Variants in HPS3 observed in about 807,000 individuals in gnomAD.
HPS3 encodes the protein BLOC-2 complex member HPS3.
HPS3 carries 79 observed loss-of-function variants against 110.9 expected under a neutral mutation model. That is an observed-to-expected ratio of 0.71 (90% CI 0.59 to 0.86). HPS3 has a LOEUF of 0.86. Ranked by LOEUF, HPS3 falls within the 40% of genes least tolerant of loss-of-function variation. HPS3 has a pLI of 0.00. For synonymous variants in HPS3, 428 were observed against 451.0 expected (o/e 0.95, Z 0.65); for missense variants, 1,197 against 1,206.2 (o/e 0.99, Z 0.11).
Position 149,167,040 on chromosome 3 carries a change from A to G in HPS3, c.2596A>G (p.Ile866Val), listed in dbSNP as rs1724494490. Residue 866 changes from isoleucine (I) to valine (V), a missense_variant, in exon 15 of 17, where the codon ATA (isoleucine) becomes GTA (valine). Ile to Val is a conservative substitution (Grantham distance 29). Coordinates refer to ENST00000296051, the MANE Select transcript of HPS3 (RefSeq NM_032383.5). ...TEDLSKLQSL[I>V]CGPSFDIASI... The stretch of plus-strand genomic sequence containing the variant: ...TTCACTTTTCTGTTCATAGTCTCTT[A>G]TATGTGGTCCTTCATTTGACATAGC... The G allele has an allele frequency of 6.2e-7, 1 of 1,611,286 alleles. No homozygotes were observed. The highest frequency in any genetic ancestry group is 1.3e-5 in the African/African-American group (1 of 74,980).
chr3:149,161,002 G>A (rs955727764), intron 11 of HPS3, among the ~76,000 whole-genome samples: 1 of 152,102 alleles, frequency 6.6e-6, no homozygotes, highest in Non-Finnish European at 1.5e-5. Flanking sequence ...GAATTGAATC[G>A]GGCAGCCTGA....
chr3:149,144,214 GAAAAAAA>G (rs59146279), intron 4 of HPS3, among the ~76,000 whole-genome samples: 1 of 123,632 alleles, frequency 8.1e-6, no homozygotes, highest in Non-Finnish European at 1.7e-5. Flanking sequence ...GTCTCTACTA[GAAAAAAA>G]AAAAAAAAAA....
intron 1 of HPS3, among the ~76,000 whole-genome samples, chr3:149,134,962 C>T (rs1481265036): frequency 2.0e-5 from 3 of 152,120 alleles, no homozygotes; most frequent in Admixed American, 6.5e-5. Flanking sequence ...ACTTGTTTTC[C>T]ACTTCACAGC....
chr3:149,160,353 T>C (rs118011061), intron 11 of HPS3, 74 bp downstream of exon 11: 5 of 977,424 alleles, frequency 5.1e-6, no homozygotes, highest in East Asian at 2.5e-5. Flanking sequence ...AGCTGTCTTC[T>C]GGCTTCTTTC....
intron 5 of HPS3, among the ~76,000 whole-genome samples, chr3:149,150,067 G>GC (rs1485190676): frequency 6.6e-6 from 1 of 152,212 alleles, no homozygotes; most frequent in African/African-American, 2.4e-5. Flanking sequence ...TTCTGAAGAT[G>GC]CCTTCAGATG....
At position 149,129,928 on chromosome 3, in the gene HPS3, T is replaced by C; in HGVS notation, c.205T>C (p.Tyr69His). ...STLGRVLRLA[Y>H]SEAGDYLVAI... Reference sequence around the variant, plus strand: ...GCTGGGCCGGGTGTTGCGCCTGGCCTACAGCGAGGCTGGTGAGTAATCTAG... The same window carrying C: ...GCTGGGCCGGGTGTTGCGCCTGGCCCACAGCGAGGCTGGTGAGTAATCTAG... The change falls in exon 1 of 17, where the codon TAC (tyrosine) becomes CAC (histidine). Residue 69 changes from tyrosine (Y) to histidine (H), a missense_variant. Physicochemically the swap from Tyr to His is moderately conservative, Grantham distance 83 (BLOSUM62 2). Coordinates refer to ENST00000296051, the MANE Select transcript of HPS3 (RefSeq NM_032383.5). 6.5e-7 allele frequency: 1 copy of C among 1,549,906 alleles called. No homozygotes were observed. The highest frequency in any genetic ancestry group is 8.7e-7 in the Non-Finnish European group (1 of 1,154,500).
At chr3:149,146,332 T>A (rs1722777312) in intron 5 of HPS3, among the ~76,000 whole-genome samples, 1 of 152,172 alleles carries the variant, frequency 6.6e-6, no homozygotes, top group East Asian at 1.9e-4. Context: ...GAAAAATGTC[T>A]TAAGACCTCA....
intron 1 of HPS3, among the ~76,000 whole-genome samples, chr3:149,136,824 A>G (rs760507270): frequency 5.3e-5 from 8 of 152,200 alleles, no homozygotes; most frequent in Non-Finnish European, 1.0e-4. Flanking sequence ...AACATTAGTT[A>G]ATATATGAAT....
intron 1 of HPS3, among the ~76,000 whole-genome samples, chr3:149,131,623 G>T (rs1721785954): frequency 6.6e-6 from 1 of 152,104 alleles, no homozygotes; most frequent in Non-Finnish European, 1.5e-5. Context: ...GCTGCCCTAG[G>T]CCCTGAGACA....
chr3:149,172,346 A>G lies in HPS3; in HGVS notation c.*124A>G, dbSNP rs1725086585. The G allele has an allele frequency of 8.5e-6, 6 of 703,908 alleles. No homozygotes were observed. The highest frequency in any genetic ancestry group is 4.2e-5 in the Admixed American group (2 of 47,160). 43.6% of individuals were successfully genotyped at this position (703,908 alleles called of 1,614,324 possible). A position where few individuals can be genotyped will look rare whatever the true frequency, so the allele number is the denominator to read the frequency against. On this transcript the variant is annotated 3_prime_UTR_variant, in exon 17 of 17. Coordinates refer to ENST00000296051, the MANE Select transcript of HPS3 (RefSeq NM_032383.5). Reference sequence around the variant, plus strand: ...CACACACACACACACACACACACACACACACACACATATATGATACAAATG... The same window carrying G: ...CACACACACACACACACACACACACGCACACACACATATATGATACAAATG...
At chr3:149,156,354 A>G (rs1020753701) in intron 8 of HPS3, among the ~76,000 whole-genome samples, 1 of 152,128 alleles carries the variant, frequency 6.6e-6, no homozygotes, top group Admixed American at 6.6e-5. Flanking sequence ...TCATAGTCTA[A>G]TTTTGTCAAC....
At chr3:149,145,326 G>C in intron 4 of HPS3, 28 bp from the exon 5 acceptor site, 6 of 1,535,394 alleles carry the variant, frequency 3.9e-6, no homozygotes, top group Non-Finnish European at 4.5e-6. Context: ...GTTTCATGGT[G>C]TTTTATTTCT....
At chr3:149,143,182 TA>T (rs1722585311) in intron 4 of HPS3, among the ~76,000 whole-genome samples, 1 of 152,194 alleles carries the variant, frequency 6.6e-6, no homozygotes, top group Non-Finnish European at 1.5e-5. Flanking sequence ...CCATGGCGTA[TA>T]TGACCTTAAC....
At chr3:149,145,625 T>C (rs1163235651) in intron 5 of HPS3, 79 bp downstream of exon 5, 6 of 1,064,388 alleles carry the variant, frequency 5.6e-6, no homozygotes, top group East Asian at 2.4e-5. Flanking sequence ...TCTGTGAGAA[T>C]TGTGTGAACT....
intron 5 of HPS3, among the ~76,000 whole-genome samples, 183 bp from the exon 6 acceptor site, chr3:149,150,416 A>G (rs1380012102): frequency 6.6e-6 from 1 of 152,198 alleles, no homozygotes; most frequent in Non-Finnish European, 1.5e-5. Context: ...TATATTTTTA[A>G]AAACACACCA....
rs753830955 is a variant in HPS3, at chr3:149,167,923, C to T, written c.2827C>T (p.Leu943Phe). Residue 943 changes from leucine (L) to phenylalanine (F), a missense_variant, in exon 16 of 17, where the codon CTT becomes TTT. Leu to Phe is a conservative substitution (Grantham distance 22). Coordinates refer to ENST00000296051, the MANE Select transcript of HPS3 (RefSeq NM_032383.5). ...GTGGTGGAAAAAACTGTTGCCTGAA[C>T]TTTGTCAGAGAATAAAATGTGGTGG... ...TLWWKKLLPE[L>F]CQRIKCGGEK... 1 of 1,607,268 alleles carries T rather than the reference C, an allele frequency of 6.2e-7. No homozygotes were observed.
intron 1 of HPS3, 85 bp from the exon 2 acceptor site, chr3:149,139,919 A>G (rs1722330381): frequency 1.6e-6 from 2 of 1,242,882 alleles, no homozygotes; most frequent in African/African-American, 1.5e-5. Flanking sequence ...TTTGTGTTAG[A>G]ATTCATTAAT....
At chr3:149,144,913 ATAT>A (rs914940428) in intron 4 of HPS3, among the ~76,000 whole-genome samples, 1 of 152,204 alleles carries the variant, frequency 6.6e-6, no homozygotes, top group African/African-American at 2.4e-5. Flanking sequence ...GGTTAATACA[ATAT>A]TATTAAAATT....
At chr3:149,162,937 A>G in intron 13 of HPS3, 59 bp downstream of exon 13, 2 of 1,328,766 alleles carry the variant, frequency 1.5e-6, no homozygotes, top group South Asian at 1.2e-5. Context: ...ACAAAAACAT[A>G]CCTTATTTTT....
Sources: allele counts gnomAD v4.1 joint callset (sites outside exome capture counted in the v4.1 genomes callset), GRCh38; gene constraint gnomAD v4.1.1; transcripts MANE v1.5; gene names NCBI Gene and HGNC (gene_info 2026-07-23, HGNC 2026-07-21).